Variants in CYP19A1 observed in about 807,000 individuals in gnomAD.
CYP19A1 encodes cytochrome P450 family 19 subfamily A member 1, also known as aromatase.
A neutral mutation model predicts 44.4 loss-of-function variants in CYP19A1; 32 were observed. The ratio of observed to expected loss-of-function variants is 0.72; its 90% confidence interval spans 0.54 to 0.97. CYP19A1 has a LOEUF of 0.97. Among genes scored for constraint, CYP19A1 ranks in the 50% least tolerant of loss-of-function variants. CYP19A1 has a pLI of 0.00. For synonymous variants in CYP19A1, 212 were observed against 215.6 expected (o/e 0.98, Z 0.14); for missense variants, 598 against 637.8 (o/e 0.94, Z 0.67).
In CYP19A1 at chr15:51,274,778, A is replaced by G. The variant is rs527461109; in HGVS notation, c.-38-31828T>C. On this transcript the variant is annotated intron_variant, in intron 1 of 9. Coordinates refer to ENST00000396402, the MANE Select transcript of CYP19A1 (RefSeq NM_000103.4). ...TCCTGTATACATCATCTCCTGCCCA[A>G]ATACTATTTAGAAGAAGATTTTTTT... 1.8e-4 allele frequency among the ~76,000 whole-genome samples: 27 copies of G among 152,292 alleles called. 1 individual carries two copies. In the South Asian group the frequency reaches 5.6e-3, roughly 32 times the overall value.
rs1040822518 is a variant in CYP19A1, at chr15:51,215,886, C to T, written c.744-69G>A. The T allele has an allele frequency of 1.6e-5, 26 of 1,603,216 alleles. No individual in the cohort carries two copies. The African/African-American group carries it at 3.1e-4, about 19-fold the overall frequency. On this transcript the variant is annotated intron_variant, in intron 6 of 9. Transcript: ENST00000396402. ...ACATCTAGCGAAACAGATTTATTTG[C>T]CATGTATTTAGGTAAAATGATCTGC...
rs542540772 is a variant in CYP19A1, at chr15:51,209,775, A to G, written c.*1033T>C. 5.9e-5 allele frequency: 9 copies of G among 153,490 alleles called. No individual in the cohort carries two copies. Among genetic ancestry groups the G allele is most frequent in the Admixed American group, 5.2e-4 (8 of 15,322 alleles). 9.5% of individuals were successfully genotyped at this position (153,490 alleles called of 1,614,324 possible). A position where few individuals can be genotyped will look rare whatever the true frequency, so the allele number is the denominator to read the frequency against. ...ATCTGTTGCCCTTGGCTTTGGGGTC[A>G]TGGGAAGAAAGAGGGAGAAAATGTC... On this transcript the variant is annotated 3_prime_UTR_variant, in exon 10 of 10. Coordinates refer to ENST00000396402, the MANE Select transcript of CYP19A1 (RefSeq NM_000103.4).
intron 1 of CYP19A1, among the ~76,000 whole-genome samples, chr15:51,331,456 G>A (rs749081920): frequency 3.3e-5 from 5 of 152,182 alleles, no homozygotes; most frequent in African/African-American, 4.8e-5. Context: ...GGCATTTTAG[G>A]GAAATCTCTC....
At chr15:51,308,560 G>C (rs1017647215) in intron 1 of CYP19A1, among the ~76,000 whole-genome samples, 1 of 152,062 alleles carries the variant, frequency 6.6e-6, no homozygotes, top group Admixed American at 6.5e-5. Flanking sequence ...GCTGTCAGTG[G>C]TAAGGTCTCC....
intron 1 of CYP19A1, among the ~76,000 whole-genome samples, chr15:51,252,232 G>A (rs2034341313): frequency 6.6e-6 from 1 of 152,090 alleles, no homozygotes. Context: ...GAACGTGGTG[G>A]AATCTTGCTC....
In CYP19A1 at chr15:51,243,696, G is replaced by T. The variant is rs28757161; in HGVS notation, c.-38-746C>A. ...GAATGGGGAAGGAGGAAGAAAGAGAGAACAGGCAGAATAGGATGCCACCAG... is the reference window on the plus strand; with the variant it reads ...GAATGGGGAAGGAGGAAGAAAGAGATAACAGGCAGAATAGGATGCCACCAG... On this transcript the variant is annotated intron_variant, in intron 1 of 9. Coordinates refer to ENST00000396402, the MANE Select transcript of CYP19A1 (RefSeq NM_000103.4). Among the ~76,000 whole-genome samples the T allele has an allele frequency of 3.0e-4, 45 of 152,352 alleles. No homozygotes were observed. In the East Asian group the frequency reaches 8.5e-3, roughly 29 times the overall value.
At chr15:51,289,104 T>G (rs1203731719) in intron 1 of CYP19A1, among the ~76,000 whole-genome samples, 5 of 152,150 alleles carry the variant, frequency 3.3e-5, no homozygotes, top group Non-Finnish European at 2.9e-5. Flanking sequence ...GACAGGGTGG[T>G]GGGTACAGGT....
At chr15:51,238,765 C>T (rs776376031) in intron 2 of CYP19A1, among the ~76,000 whole-genome samples, 1 of 152,298 alleles carries the variant, frequency 6.6e-6, no homozygotes, top group South Asian at 2.1e-4. Context: ...AGATTAAGAA[C>T]CTGAGTGTTC....
intron 1 of CYP19A1, among the ~76,000 whole-genome samples, chr15:51,311,999 G>A (rs2036320246): frequency 6.6e-6 from 1 of 152,120 alleles, no homozygotes. Context: ...CTAATGCTAT[G>A]AAACAAAAAA....
At position 51,210,920 on chromosome 15, in the gene CYP19A1, C is replaced by T. The variant is rs1219087746; in HGVS notation, c.1400G>A (p.Cys467Tyr). Residue 467 changes from cysteine (C) to tyrosine (Y), a missense_variant, in exon 10 of 10, where the codon TGT becomes TAT. Physicochemically the swap from Cys to Tyr is radical, Grantham distance 194 (BLOSUM62 -2). Coordinates refer to ENST00000396402, the MANE Select transcript of CYP19A1 (RefSeq NM_000103.4). The stretch of plus-strand genomic sequence containing the variant: ...GTGTATCTTCTGTATGCTCTCAACA[C>T]ACTGTCCTTGCAATGTCTTCACGTG... ...RFHVKTLQGQCVESIQKIHDL... is the reference protein window; with the variant it reads ...RFHVKTLQGQYVESIQKIHDL... The T allele has an allele frequency of 6.2e-7, 1 of 1,606,278 alleles. No individual in the cohort carries two copies.
At chr15:51,296,077 A>G (rs1172466466) in intron 1 of CYP19A1, among the ~76,000 whole-genome samples, 1 of 152,038 alleles carries the variant, frequency 6.6e-6, no homozygotes, top group Non-Finnish European at 1.5e-5. Flanking sequence ...GGGAGGCCAG[A>G]GAGGCTGGGG....
At chr15:51,308,784 C>T (rs893296244) in intron 1 of CYP19A1, among the ~76,000 whole-genome samples, 17 of 152,254 alleles carry the variant, frequency 1.1e-4, no homozygotes, top group Admixed American at 3.3e-4. Flanking sequence ...TTCTGAGTCT[C>T]GGTCTCCTCG....
intron 1 of CYP19A1, chr15:51,318,495 C>T (rs2036469170): frequency 6.6e-6 from 1 of 152,294 alleles, no homozygotes; most frequent in South Asian, 2.1e-4. Context: ...TCACGTTCTA[C>T]TTGGAGCCAG....
At chr15:51,222,201 A>G in intron 5 of CYP19A1, 148 bp downstream of exon 5, 1 of 1,430,250 alleles carries the variant, frequency 7.0e-7, no homozygotes, top group African/African-American at 1.4e-5. Flanking sequence ...AAGCAGAAAC[A>G]CTAGGGAAAA....
At position 51,223,593 on chromosome 15, in the gene CYP19A1, T is replaced by TCTCACACACACACACACACA. The variant is rs1356666512; in HGVS notation, c.452-1069_452-1068insTGTGTGTGTGTGTGTGTGAG. ...CTTGCTCTCTCTCTCTCTCTCTCTCTCACACACACACACACACACACACAC... is the reference window on the plus strand; with the variant it reads ...CTTGCTCTCTCTCTCTCTCTCTCTCTCTCACACACACACACACACACACACACACACACACACACACACAC... On this transcript the variant is annotated intron_variant, in intron 4 of 9. Transcript: ENST00000396402. Among the ~76,000 whole-genome samples the TCTCACACACACACACACACA allele has an allele frequency of 1.2e-3, 107 of 90,204 alleles. 2 individuals carry two copies. Among genetic ancestry groups the TCTCACACACACACACACACA allele is most frequent in the East Asian group, 5.6e-3 (12 of 2,124 alleles). 59.2% of individuals were successfully genotyped at this position (90,204 alleles called of 152,430 possible).
intron 1 of CYP19A1, among the ~76,000 whole-genome samples, chr15:51,289,129 C>T (rs2035783497): frequency 6.6e-6 from 1 of 152,164 alleles, no homozygotes; most frequent in South Asian, 2.1e-4. Flanking sequence ...GAGAAGCAGA[C>T]ATGTGGAATT....
chr15:51,218,513 A>C (rs747294617), intron 6 of CYP19A1, 28 bp downstream of exon 6: 3 of 1,600,320 alleles, frequency 1.9e-6, no homozygotes. Flanking sequence ...AATTGTACTC[A>C]TAAATCTTCC....
intron 4 of CYP19A1, among the ~76,000 whole-genome samples, chr15:51,223,571 GCTCTCT>G (rs763852095): frequency 3.6e-5 from 4 of 110,612 alleles, no homozygotes; most frequent in Non-Finnish European, 5.6e-5. Flanking sequence ...TCTCTCTCTT[GCTCTCT>G]CTCTCTCTCT....
chr15:51,220,160 G>T (rs2031947050), intron 5 of CYP19A1, among the ~76,000 whole-genome samples: 4 of 152,142 alleles, frequency 2.6e-5, no homozygotes, highest in Admixed American at 2.6e-4. Flanking sequence ...CCTCATATCT[G>T]CCTGTGGCTT....
Sources: allele counts gnomAD v4.1 joint callset (sites outside exome capture counted in the v4.1 genomes callset), GRCh38; gene constraint gnomAD v4.1.1; transcripts MANE v1.5; gene names NCBI Gene and HGNC (gene_info 2026-07-23, HGNC 2026-07-21).